GLMN: variants seen among roughly 807,000 people sequenced by gnomAD.
The protein encoded by GLMN is glomulin, FKBP associated protein.
A neutral mutation model predicts 87.8 loss-of-function variants in GLMN; 75 were observed. That is an observed-to-expected ratio of 0.85 (90% CI 0.71 to 1.04). The LOEUF (loss-of-function observed/expected upper bound fraction) is 1.04, where lower values mean the gene tolerates loss of function less well. Ranked by LOEUF, GLMN falls within the 50% of genes least tolerant of loss-of-function variation. The probability of loss-of-function intolerance (pLI) is 0.00; values close to 1 mark genes in which losing one functional copy is unlikely to be tolerated. For missense variants in GLMN, 588 were observed against 658.8 expected (o/e 0.89, Z 1.18); for synonymous variants, 206 against 221.6 (o/e 0.93, Z 0.63).
chr1:92,261,141 G>A (rs1557521003), intron 16 of GLMN, among the ~76,000 whole-genome samples: 1 of 152,108 alleles, frequency 6.6e-6, no homozygotes, highest in Non-Finnish European at 1.5e-5. Context: ...ATTTTATATT[G>A]TAGCTTTTCA....
Position 92,287,398 on chromosome 1 carries a change from T to G in GLMN, c.633-806A>C, listed in dbSNP as rs112896027. Reference sequence around the variant, plus strand: ...GTCTGTCACCCAGGCTGGAGTACAGTGGCACAATAATAGTGCACTGTAACC... The same window carrying G: ...GTCTGTCACCCAGGCTGGAGTACAGGGGCACAATAATAGTGCACTGTAACC... On this transcript the variant is annotated intron_variant, in intron 6 of 18. Transcript: ENST00000370360. Among the ~76,000 whole-genome samples the G allele has an allele frequency of 8.0e-3, 1,213 of 152,272 alleles. 14 individuals carry two copies. The highest frequency in any genetic ancestry group is 0.028 in the African/African-American group (1,154 of 41,538).
In GLMN at chr1:92,262,244, GAC is replaced by G. The variant is rs1570877330; in HGVS notation, c.1473+617_1473+618del. ...TCAGGTAGTTCTAGCTAATAGAGGT[GAC>G]ACATATAGGGAAAGCAATGATCAGA... On this transcript the variant is annotated intron_variant, in intron 16 of 18. Coordinates refer to ENST00000370360, the MANE Select transcript of GLMN (RefSeq NM_053274.3). Among the ~76,000 whole-genome samples the G allele has an allele frequency of 2.0e-5, 3 of 152,194 alleles. No homozygotes were observed. The East Asian group carries it at 5.8e-4, about 29-fold the overall frequency.
At chr1:92,300,985 G>C (rs940122544), upstream of GLMN, among the ~76,000 whole-genome samples, 1 of 152,182 alleles carries the variant, frequency 6.6e-6, no homozygotes, top group African/African-American at 2.4e-5. Context: ...GTGATGTTAC[G>C]AGAAGGAATA....
chr1:92,330,602 ATGCC>A, the GLMN span, among the ~76,000 whole-genome samples: 2 of 151,552 alleles, frequency 1.3e-5, no homozygotes, highest in Non-Finnish European at 2.9e-5. Context: ...CACCCGTGCC[ATGCC>A]TGCCTAACTT....
the GLMN span, among the ~76,000 whole-genome samples, chr1:92,341,064 C>T: frequency 6.6e-6 from 1 of 151,922 alleles, no homozygotes; most frequent in African/African-American, 2.4e-5. Context: ...GTTGGACTGC[C>T]GTGTCGTGAT....
At chr1:92,333,299 A>G in the GLMN span, 3 of 1,005,328 alleles carry the variant, frequency 3.0e-6, no homozygotes, top group Non-Finnish European at 4.6e-6. Flanking sequence ...CACAGATACA[A>G]ACTTTTGTGT....
the GLMN span, among the ~76,000 whole-genome samples, chr1:92,348,323 C>G: frequency 3.3e-3 from 500 of 152,348 alleles, 7 homozygotes; most frequent in Non-Finnish European, 4.4e-3. Context: ...CATTGGTCAA[C>G]TGGACAACTA....
Position 92,289,038 on chromosome 1 carries a change from C to T in GLMN, c.508G>A (p.Asp170Asn). 6.2e-7 allele frequency: 1 copy of T among 1,607,936 alleles called. No individual in the cohort carries two copies. Residue 170 changes from aspartate (D) to asparagine (N), a missense_variant, in exon 6 of 19, where the codon GAC becomes AAC. Physicochemically the swap from Asp to Asn is conservative, Grantham distance 23. Coordinates refer to ENST00000370360, the MANE Select transcript of GLMN (RefSeq NM_053274.3). ...TTGCAACACTGACAAAGGCCATAGTCATCCATTTGTATTTGTTCTTTTGAG... is the reference window on the plus strand; with the variant it reads ...TTGCAACACTGACAAAGGCCATAGTTATCCATTTGTATTTGTTCTTTTGAG... ...PYSKEQIQMD[D>N]YGLCQCCKAL... is the part of the protein sequence containing the mutation.
At chr1:92,282,129 A>G (rs1163909178) in intron 7 of GLMN, among the ~76,000 whole-genome samples, 1 of 152,234 alleles carries the variant, frequency 6.6e-6, no homozygotes, top group Non-Finnish European at 1.5e-5. Context: ...TGGACCTAAT[A>G]GACATCTACA....
chr1:92,259,208 T>C (rs1457476497), intron 16 of GLMN, among the ~76,000 whole-genome samples: 1 of 152,218 alleles, frequency 6.6e-6, no homozygotes, highest in East Asian at 1.9e-4. Flanking sequence ...ATTGGATATG[T>C]ATTAGAATAA....
intron 7 of GLMN, among the ~76,000 whole-genome samples, chr1:92,285,399 G>A (rs1349808507): frequency 6.6e-6 from 1 of 151,966 alleles, no homozygotes; most frequent in Non-Finnish European, 1.5e-5. Context: ...TTACTCATTG[G>A]TAGGAGTTGA....
At chr1:92,301,360 T>A (rs1024988750), upstream of GLMN, 26 of 412,324 alleles carry the variant, frequency 6.3e-5, no homozygotes, top group Admixed American at 4.3e-4. Context: ...AAAAATTTTT[T>A]AAATATATTT....
chr1:92,328,888 G>A, the GLMN span, among the ~76,000 whole-genome samples: 2 of 152,186 alleles, frequency 1.3e-5, no homozygotes, highest in Non-Finnish European at 2.9e-5. Flanking sequence ...CTTCCTGAGA[G>A]CCAAACTGCA....
chr1:92,258,768 G>A (rs574701479), intron 16 of GLMN, among the ~76,000 whole-genome samples: 1 of 152,178 alleles, frequency 6.6e-6, no homozygotes, highest in South Asian at 2.1e-4. Flanking sequence ...CGGGGGCTAG[G>A]GGAGGGGTAT....
chr1:92,330,361 A>G, the GLMN span, among the ~76,000 whole-genome samples: 4 of 151,894 alleles, frequency 2.6e-5, no homozygotes, highest in Non-Finnish European at 4.4e-5. Flanking sequence ...TGTGTCTAAA[A>G]TTAATGTTAG....
chr1:92,289,734 T>C (rs1474141489), intron 5 of GLMN, among the ~76,000 whole-genome samples: 1 of 152,196 alleles, frequency 6.6e-6, no homozygotes, highest in Middle Eastern at 3.2e-3. Context: ...TATCATCCCA[T>C]ATCTCCTCGT....
chr1:92,350,268 C>T, the GLMN span, among the ~76,000 whole-genome samples: 2 of 152,168 alleles, frequency 1.3e-5, no homozygotes, highest in Non-Finnish European at 2.9e-5. Context: ...TCCTTTAATT[C>T]CTTTAAAAAT....
At chr1:92,364,264 T>C in the GLMN span, among the ~76,000 whole-genome samples, 4 of 152,098 alleles carry the variant, frequency 2.6e-5, no homozygotes, top group Non-Finnish European at 4.4e-5. Flanking sequence ...AGAAAGCAGA[T>C]TGCAACATTT....
intron 16 of GLMN, among the ~76,000 whole-genome samples, chr1:92,249,503 T>C (rs934637232): frequency 6.6e-6 from 1 of 152,078 alleles, no homozygotes; most frequent in Non-Finnish European, 1.5e-5. Context: ...AGCCTTTTTC[T>C]TTTACTGATA....
Sources: allele counts gnomAD v4.1 joint callset (sites outside exome capture counted in the v4.1 genomes callset), GRCh38; gene constraint gnomAD v4.1.1; transcripts MANE v1.5; gene names NCBI Gene and HGNC (gene_info 2026-07-23, HGNC 2026-07-21).